STRBP: variants seen among roughly 807,000 people sequenced by gnomAD.
The protein encoded by STRBP is spermatid perinuclear RNA binding protein, also known as spermatid perinuclear RNA-binding protein.
STRBP carries 13 observed loss-of-function variants against 80.1 expected under a neutral mutation model. The ratio of observed to expected loss-of-function variants is 0.16; its 90% CI spans 0.11 to 0.26. The LOEUF is 0.26. STRBP is among the 10% of genes least tolerant of loss of function. The pLI is 1.00. For missense variants in STRBP, 485 were observed against 815.2 expected (o/e 0.59, Z 4.93); for synonymous variants, 284 against 291.2 (o/e 0.98, Z 0.25).
At chr9:123,142,341 G>C (rs1248200512) in intron 13 of STRBP, among the ~76,000 whole-genome samples, 1 of 152,152 alleles carries the variant, frequency 6.6e-6, no homozygotes, top group Non-Finnish European at 1.5e-5. Flanking sequence ...AGATGTGCCT[G>C]CTTCCCCTTC....
At chr9:123,245,746 A>T (rs1475413318) in intron 1 of STRBP, among the ~76,000 whole-genome samples, 1 of 152,232 alleles carries the variant, frequency 6.6e-6, no homozygotes, top group East Asian at 1.9e-4. Flanking sequence ...GAGAATCAGT[A>T]TCCTCCAGAG....
intron 17 of STRBP, among the ~76,000 whole-genome samples, chr9:123,131,131 T>G (rs1002784368): frequency 1.3e-5 from 2 of 152,226 alleles, no homozygotes; most frequent in African/African-American, 4.8e-5. Flanking sequence ...TTCTAGCCAG[T>G]TTGAAATGTA....
intron 1 of STRBP, among the ~76,000 whole-genome samples, chr9:123,250,464 G>A (rs553385433): frequency 1.3e-4 from 20 of 152,198 alleles, no homozygotes; most frequent in African/African-American, 4.8e-4. Flanking sequence ...ATAAACAAGA[G>A]ATCGTTGGGG....
At chr9:123,208,524 T>C (rs532718852) in intron 2 of STRBP, among the ~76,000 whole-genome samples, 5 of 152,256 alleles carry the variant, frequency 3.3e-5, no homozygotes, top group Admixed American at 2.0e-4. Flanking sequence ...TAGTAAATAT[T>C]GTAGACTGGT....
chr9:123,166,276 G>A (rs1158289264), intron 6 of STRBP, among the ~76,000 whole-genome samples: 1 of 152,096 alleles, frequency 6.6e-6, no homozygotes, highest in Non-Finnish European at 1.5e-5. Flanking sequence ...TCACTGTTAC[G>A]GCAGTTTGAG....
chr9:123,235,245 G>A (rs1215943739), intron 2 of STRBP, among the ~76,000 whole-genome samples: 2 of 150,942 alleles, frequency 1.3e-5, no homozygotes, highest in African/African-American at 4.9e-5. Flanking sequence ...CTAAAAAGTA[G>A]GTAACACAAA....
chr9:123,220,482 T>C (rs2040032483), intron 2 of STRBP, among the ~76,000 whole-genome samples: 1 of 152,224 alleles, frequency 6.6e-6, no homozygotes. Flanking sequence ...CACTGTACAT[T>C]GTACAAGCAG....
intron 13 of STRBP, among the ~76,000 whole-genome samples, chr9:123,140,874 C>T (rs1333236560): frequency 6.6e-6 from 1 of 152,194 alleles, no homozygotes. Context: ...CACACACGTG[C>T]CTTTTAATAC....
chr9:123,203,766 G>C (rs2039414717), intron 2 of STRBP, among the ~76,000 whole-genome samples: 2 of 152,124 alleles, frequency 1.3e-5, no homozygotes, highest in African/African-American at 4.8e-5. Context: ...GATGTCAGGA[G>C]TTCATGACCA....
intron 1 of STRBP, among the ~76,000 whole-genome samples, chr9:123,265,539 T>C (rs1023883734): frequency 6.6e-6 from 1 of 152,176 alleles, no homozygotes; most frequent in Non-Finnish European, 1.5e-5. Context: ...AAAAGGGAAA[T>C]CGTTTTCCAA....
At chr9:123,231,609 C>T (rs1040247400) in intron 2 of STRBP, among the ~76,000 whole-genome samples, 1 of 152,136 alleles carries the variant, frequency 6.6e-6, no homozygotes, top group Non-Finnish European at 1.5e-5. Flanking sequence ...GATTCCTCCC[C>T]TTCTCCTGAC....
At chr9:123,162,320 G>T (rs1024367183) in intron 6 of STRBP, among the ~76,000 whole-genome samples, 1 of 151,822 alleles carries the variant, frequency 6.6e-6, no homozygotes, top group Admixed American at 6.6e-5. Flanking sequence ...TTCCTCCCAG[G>T]CTCAAGCGAT....
Position 123,147,776 on chromosome 9 carries a change from A to C in STRBP, c.1138+2T>G. ...ATCTATAAGAATAAAGGTTTTACAC[A>C]CTTTTCCTTAAGTTTCGTTTCATCT... On this transcript the variant is annotated splice_donor_variant, in intron 12 of 18. Coordinates refer to ENST00000348403, the MANE Select transcript of STRBP (RefSeq NM_018387.5). LOFTEE classifies it high-confidence loss of function. The C allele has an allele frequency of 6.2e-7, 1 of 1,605,814 alleles. No homozygotes were observed. The highest frequency in any genetic ancestry group is 8.5e-7 in the Non-Finnish European group (1 of 1,175,544).
intron 11 of STRBP, among the ~76,000 whole-genome samples, chr9:123,151,920 A>G (rs1356206390): frequency 6.6e-6 from 1 of 152,134 alleles, no homozygotes; most frequent in Non-Finnish European, 1.5e-5. Context: ...TAATAAAAAT[A>G]ATAATCCCCT....
At chr9:123,199,660 T>C (rs2039238399) in intron 2 of STRBP, among the ~76,000 whole-genome samples, 1 of 152,194 alleles carries the variant, frequency 6.6e-6, no homozygotes, top group Non-Finnish European at 1.5e-5. Flanking sequence ...AGGGACTGAG[T>C]TCTTGATTTG....
In STRBP at chr9:123,124,917, C is replaced by G; in HGVS notation, c.*680G>C. The G allele has an allele frequency of 1.0e-6, 1 of 985,660 alleles. No homozygotes were observed. The highest frequency in any genetic ancestry group is 1.2e-6 in the Non-Finnish European group (1 of 829,926). 61.1% of individuals were successfully genotyped at this position (985,660 alleles called of 1,614,324 possible). A position where few individuals can be genotyped will look rare whatever the true frequency, so the allele number is the denominator to read the frequency against. Reference sequence around the variant, plus strand: ...GAGTAGACTGGCTCAAACTAACAATCACCTTTGCTTTGTTTTAGCACTTTG... The same window carrying G: ...GAGTAGACTGGCTCAAACTAACAATGACCTTTGCTTTGTTTTAGCACTTTG... On this transcript the variant is annotated 3_prime_UTR_variant, in exon 19 of 19. Transcript: ENST00000348403.
Position 123,124,613 on chromosome 9 carries a change from T to C in STRBP, c.*984A>G. Reference sequence around the variant, plus strand: ...AGAGGAAAGGAGACCCTTCAATGAATCCCAGCAAAATCACTAATCTTCTAT... The same window carrying C: ...AGAGGAAAGGAGACCCTTCAATGAACCCCAGCAAAATCACTAATCTTCTAT... On this transcript the variant is annotated 3_prime_UTR_variant, in exon 19 of 19. Coordinates refer to ENST00000348403, the MANE Select transcript of STRBP (RefSeq NM_018387.5). The C allele has an allele frequency of 2.0e-6, 2 of 985,324 alleles. No homozygotes were observed. The highest frequency in any genetic ancestry group is 2.4e-6 in the Non-Finnish European group (2 of 829,924). The allele number at this position is 985,324 out of a possible 1,614,324, so 61.0% of individuals were successfully genotyped here.
intron 2 of STRBP, among the ~76,000 whole-genome samples, chr9:123,211,143 G>A (rs1293992495): frequency 6.6e-6 from 1 of 152,058 alleles, no homozygotes; most frequent in Non-Finnish European, 1.5e-5. Flanking sequence ...CATGCAAAAC[G>A]TCCATTCACA....
At chr9:123,133,238 T>G (rs2036215375) in intron 16 of STRBP, among the ~76,000 whole-genome samples, 1 of 152,208 alleles carries the variant, frequency 6.6e-6, no homozygotes, top group South Asian at 2.1e-4. Context: ...AGTAATCAAT[T>G]TATATCCAAA....
Sources: allele counts gnomAD v4.1 joint callset (sites outside exome capture counted in the v4.1 genomes callset), GRCh38; gene constraint gnomAD v4.1.1; transcripts MANE v1.5; gene names NCBI Gene and HGNC (gene_info 2026-07-23, HGNC 2026-07-21).